PARD3: variants seen among roughly 807,000 people sequenced by gnomAD.
The protein encoded by PARD3 is partitioning defective 3 homolog.
In PARD3, 75 loss-of-function variants were observed where a neutral mutation model predicts 155.4. The observed-to-expected ratio is 0.48, with a 90% CI of 0.40 to 0.58. PARD3 has a LOEUF of 0.58. Among genes scored for constraint, PARD3 ranks in the 20% least tolerant of loss-of-function variants. The pLI, the probability that PARD3 is intolerant of heterozygous loss-of-function variation, is 0.00. For synonymous variants in PARD3, 576 were observed against 610.5 expected (o/e 0.94, Z 0.83); for missense variants, 1,642 against 1,721.7 (o/e 0.95, Z 0.82).
chr10:34,795,453 T>G (rs1484900336), intron 1 of PARD3, among the ~76,000 whole-genome samples: 2 of 151,516 alleles, frequency 1.3e-5, no homozygotes, highest in Non-Finnish European at 2.9e-5. Flanking sequence ...TCTACATAAA[T>G]TCAAAAATTA....
At chr10:34,290,503 A>AAG (rs1296163364) in intron 20 of PARD3, among the ~76,000 whole-genome samples, 1 of 152,148 alleles carries the variant, frequency 6.6e-6, no homozygotes, top group Non-Finnish European at 1.5e-5. Context: ...TTGGCTGGGG[A>AAG]AGAGAATTTA....
At chr10:34,640,284 C>T (rs2092628223) in intron 2 of PARD3, among the ~76,000 whole-genome samples, 1 of 152,166 alleles carries the variant, frequency 6.6e-6, no homozygotes. Flanking sequence ...GATTCTAATA[C>T]TCAGTGAAGC....
chr10:34,336,047 C>T (rs1251834593), intron 18 of PARD3, 152 bp downstream of exon 18: 3 of 551,346 alleles, frequency 5.4e-6, no homozygotes, highest in Non-Finnish European at 6.4e-6. Context: ...GAAAATATTT[C>T]TTTTCTTATG....
At chr10:34,227,856 T>TTTTATATATA (rs1554814033) in intron 22 of PARD3, among the ~76,000 whole-genome samples, 3 of 82,242 alleles carry the variant, frequency 3.6e-5, no homozygotes, top group South Asian at 6.2e-4. Flanking sequence ...GAATTATTTT[T>TTTTATATATA]TATATATATA....
In PARD3 at chr10:34,336,107, T is replaced by C. The variant is rs879104294; in HGVS notation, c.2605+92A>G. 52 of 872,332 alleles carry C rather than the reference T, an allele frequency of 6.0e-5. No homozygotes were observed. In the South Asian group the frequency reaches 6.6e-4, roughly 11 times the overall value. The allele number at this position is 872,332 out of a possible 1,614,324, so 54.0% of individuals were successfully genotyped here. A position where few individuals can be genotyped will look rare whatever the true frequency, so the allele number is the denominator to read the frequency against. Reference sequence around the variant, plus strand: ...CATCTGCGTAAGACTGGAATATGTATGTTTACATGGCATATGATTGGCAGC... The same window carrying C: ...CATCTGCGTAAGACTGGAATATGTACGTTTACATGGCATATGATTGGCAGC... On this transcript the variant is annotated intron_variant, in intron 18 of 24. Transcript: ENST00000374788.
At chr10:34,780,737 A>G (rs1487029119) in intron 1 of PARD3, among the ~76,000 whole-genome samples, 2 of 152,230 alleles carry the variant, frequency 1.3e-5, no homozygotes, top group Non-Finnish European at 2.9e-5. Flanking sequence ...AAGGAGGGGA[A>G]GCTGCCATTC....
intron 2 of PARD3, among the ~76,000 whole-genome samples, chr10:34,546,659 A>G (rs538704288): frequency 6.6e-5 from 10 of 152,038 alleles, no homozygotes; most frequent in Non-Finnish European, 1.3e-4. Context: ...TATACAAAGA[A>G]AAAAAAAGCA....
At chr10:34,708,729 C>T (rs907765147) in intron 1 of PARD3, among the ~76,000 whole-genome samples, 1 of 151,878 alleles carries the variant, frequency 6.6e-6, no homozygotes, top group Non-Finnish European at 1.5e-5. Flanking sequence ...AACCTGGGGA[C>T]TTTTCTAGAT....
rs1206076267 is a variant in PARD3 at position 34,605,574 on chromosome 10, ATCTCC to A, written c.223-88420_223-88416del. On this transcript the variant is annotated intron_variant, in intron 2 of 24. Transcript: ENST00000374788. ...ATATATATCTCCTATATATATATAT[ATCTCC>A]TATATATATCTCCTATATATATATA... Among the ~76,000 whole-genome samples, 50 of 44,450 alleles carry A rather than the reference ATCTCC, an allele frequency of 1.1e-3. 1 individual carries two copies. The highest frequency in any genetic ancestry group is 1.8e-3 in the African/African-American group (7 of 3,950). 29.2% of individuals were successfully genotyped at this position (44,450 alleles called of 152,430 possible). A position where few individuals can be genotyped will look rare whatever the true frequency, so the allele number is the denominator to read the frequency against.
intron 2 of PARD3, among the ~76,000 whole-genome samples, chr10:34,679,455 G>C (rs1233533315): frequency 6.6e-6 from 1 of 152,130 alleles, no homozygotes; most frequent in Non-Finnish European, 1.5e-5. Context: ...TATAGGATAG[G>C]ATCAAATCAC....
intron 5 of PARD3, among the ~76,000 whole-genome samples, chr10:34,431,902 C>A (rs1313293529): frequency 6.7e-6 from 1 of 150,272 alleles, no homozygotes; most frequent in Non-Finnish European, 1.5e-5. Flanking sequence ...ATTAGCTGGG[C>A]GTGGTGGCGG....
At chr10:34,255,256 G>A (rs1954596253) in intron 22 of PARD3, among the ~76,000 whole-genome samples, 1 of 152,108 alleles carries the variant, frequency 6.6e-6, no homozygotes, top group African/African-American at 2.4e-5. Flanking sequence ...CACCGGAAGT[G>A]TTCCAATCCA....
At chr10:34,227,921 C>A (rs1952709303) in intron 22 of PARD3, among the ~76,000 whole-genome samples, 1 of 130,020 alleles carries the variant, frequency 7.7e-6, no homozygotes, top group South Asian at 2.3e-4. Context: ...TTTATATACC[C>A]AAAGGAATAT....
rs372869103 is a variant in PARD3, at chr10:34,460,281, TC to T, written c.582+9803del. Among the ~76,000 whole-genome samples, 484 of 152,224 alleles carry T rather than the reference TC, an allele frequency of 3.2e-3. 1 individual carries two copies. Among genetic ancestry groups the T allele is most frequent in the African/African-American group, 0.011 (447 of 41,540 alleles). On this transcript the variant is annotated intron_variant, in intron 4 of 24. Transcript: ENST00000374788. ...TGTGATTCAGGGAATTTGAGTAACG[TC>T]TATTGAAACCTTACTCTCCCCTTCC...
In PARD3 at chr10:34,397,491, A is replaced by G. The variant is rs76935616; in HGVS notation, c.890+1839T>C. Among the ~76,000 whole-genome samples, 459 of 152,336 alleles carry G rather than the reference A, an allele frequency of 3.0e-3. 2 individuals carry two copies. Among genetic ancestry groups the G allele is most frequent in the African/African-American group, 0.01 (432 of 41,584 alleles). ...AATAGGGCTTAAAAATGACTCAGCT[A>G]TAAAAGAACTTCTAGTTCTGCAAAG... On this transcript the variant is annotated intron_variant, in intron 7 of 24. Transcript: ENST00000374788.
intron 1 of PARD3, among the ~76,000 whole-genome samples, chr10:34,769,803 A>C (rs1301216096): frequency 2.5e-4 from 17 of 67,836 alleles, no homozygotes; most frequent in African/African-American, 9.0e-4. Flanking sequence ...AAAAAACAAA[A>C]CAAAAAAAAA....
intron 3 of PARD3, among the ~76,000 whole-genome samples, chr10:34,470,471 A>G (rs527675656): frequency 6.6e-6 from 1 of 152,298 alleles, no homozygotes; most frequent in East Asian, 1.9e-4. Flanking sequence ...GTCGGCTCCG[A>G]GCAAAATGGC....
At position 34,509,723 on chromosome 10, in the gene PARD3, G is replaced by A. The variant is rs760964765; in HGVS notation, c.403+7256C>T. ...CCCAGAGTCCAGGAAAGTCATGATA[G>A]TGTCCTGAATAGCTCTTCTGCTTTG... is the stretch of plus-strand genomic sequence containing the variant. On this transcript the variant is annotated intron_variant, in intron 3 of 24. Transcript: ENST00000374788. 2.0e-5 allele frequency among the ~76,000 whole-genome samples: 3 copies of A among 152,278 alleles called. No individual in the cohort carries two copies. The South Asian group carries it at 6.2e-4, about 32-fold the overall frequency.
chr10:34,432,315 TAGAA>T (rs1223098180), intron 5 of PARD3, among the ~76,000 whole-genome samples: 9 of 137,546 alleles, frequency 6.5e-5, no homozygotes, highest in Non-Finnish European at 9.3e-5. Context: ...GCTGTGAAAA[TAGAA>T]AGATATACAC....
Sources: gnomAD v4.1 joint callset for allele counts (sites outside exome capture counted in the v4.1 genomes callset) on GRCh38, gnomAD v4.1.1 for gene constraint, MANE v1.5 for transcripts, NCBI Gene and HGNC (gene_info 2026-07-23, HGNC 2026-07-21) for gene names.